MTCL1: variants seen among roughly 807,000 people sequenced by gnomAD.
MTCL1 encodes the protein microtubule cross-linking factor 1.
Under a neutral mutation model 141.4 loss-of-function variants are expected in MTCL1, and 79 were observed. The observed-to-expected ratio is 0.56, with a 90% CI of 0.47 to 0.67. MTCL1 has a LOEUF of 0.67. MTCL1 is among the 30% of genes least tolerant of loss of function. The pLI, the probability that MTCL1 is intolerant of heterozygous loss-of-function variation, is 0.00. For missense variants in MTCL1, 2,177 were observed against 2,113.9 expected, an observed-to-expected ratio of 1.03 and a Z score of -0.59; for synonymous variants, 914 against 875.8, an observed-to-expected ratio of 1.04 and a Z score of -0.77.
chr18:8,730,890 C>T (rs1161471841), intron 4 of MTCL1, among the ~76,000 whole-genome samples: 1 of 152,180 alleles, frequency 6.6e-6, no homozygotes, highest in Admixed American at 6.5e-5. Flanking sequence ...AGCATTTTAC[C>T]TACACGTTAG....
intron 4 of MTCL1, among the ~76,000 whole-genome samples, chr18:8,770,478 G>C (rs986332467): frequency 6.6e-6 from 1 of 152,148 alleles, no homozygotes. Context: ...GAATCCTCCC[G>C]TGGCAGAGGG....
At chr18:8,793,192 A>G (rs2143801449) in intron 8 of MTCL1, 72 bp downstream of exon 7, 1 of 1,584,170 alleles carries the variant, frequency 6.3e-7, no homozygotes, top group Middle Eastern at 1.7e-4. Context: ...ATGCCACGAT[A>G]CATTTTCAAA....
intron 4 of MTCL1, among the ~76,000 whole-genome samples, chr18:8,746,517 C>T (rs905725882): frequency 1.3e-5 from 2 of 152,102 alleles, no homozygotes; most frequent in Non-Finnish European, 2.9e-5. Context: ...AGGGGGAATC[C>T]CATGGATTTG....
intron 9 of MTCL1, among the ~76,000 whole-genome samples, chr18:8,797,449 G>T (rs1022245561): frequency 2.6e-5 from 4 of 152,218 alleles, no homozygotes; most frequent in Admixed American, 6.5e-5. Context: ...TGCACTGCAG[G>T]CTCCTTCCTG....
intron 12 of MTCL1, among the ~76,000 whole-genome samples, chr18:8,813,868 C>G (rs1022612186): frequency 1.3e-5 from 2 of 152,188 alleles, no homozygotes; most frequent in African/African-American, 4.8e-5. Flanking sequence ...TATAACCATT[C>G]TCTGCATTGC....
intron 10 of MTCL1, among the ~76,000 whole-genome samples, chr18:8,803,827 C>A (rs2076204052): frequency 6.6e-6 from 1 of 152,162 alleles, no homozygotes; most frequent in South Asian, 2.1e-4. Context: ...TCTGTTAAAG[C>A]CAAAAAGTAC....
intron 12 of MTCL1, among the ~76,000 whole-genome samples, chr18:8,818,159 C>G (rs544227862): frequency 1.5e-3 from 232 of 152,346 alleles, no homozygotes; most frequent in Non-Finnish European, 2.9e-3. Flanking sequence ...CGTGCACAAC[C>G]CATCTTACAG....
At chr18:8,706,803 G>A in intron 1 of MTCL1, 90 bp downstream of exon 1, 3 of 1,510,840 alleles carry the variant, frequency 2.0e-6, no homozygotes, top group Non-Finnish European at 2.6e-6. Context: ...TCCCGGGCCT[G>A]TCCAGCGCCT....
At chr18:8,829,617 C>T in intron 16 of MTCL1, 2 of 985,346 alleles carry the variant, frequency 2.0e-6, no homozygotes, top group Non-Finnish European at 2.4e-6. Context: ...AAAAGATATA[C>T]TTTTTGATCA....
At chr18:8,783,657 C>T (rs1450471173) in exon 6 of MTCL1, 7 of 1,612,800 alleles carry the variant, frequency 4.3e-6, no homozygotes, top group Non-Finnish European at 5.9e-6. Context: ...AAGTACAAGT[C>T]CCTCTATGGG....
chr18:8,824,867 A>G (rs2076963844), exon 15 of MTCL1: 1 of 1,613,562 alleles, frequency 6.2e-7, no homozygotes, highest in Non-Finnish European at 8.5e-7. Flanking sequence ...GGGACTACAC[A>G]CCCAACAGGG....
At chr18:8,740,199 G>A (rs542400732) in intron 4 of MTCL1, among the ~76,000 whole-genome samples, 2 of 152,314 alleles carry the variant, frequency 1.3e-5, no homozygotes, top group Admixed American at 6.5e-5. Context: ...AGAAATAGTC[G>A]TATATTGCTC....
chr18:8,780,903 C>T lies in MTCL1; in HGVS notation c.418-2627C>T, dbSNP rs538274366. On this transcript the variant is annotated intron_variant, in intron 5 of 16. Transcript: ENST00000359865. Reference sequence around the variant, plus strand: ...ATGAACAAGGCCAGGTGTGGTGGCTCATACCTGTAATCCCAGCACTTTGGG... The same window carrying T: ...ATGAACAAGGCCAGGTGTGGTGGCTTATACCTGTAATCCCAGCACTTTGGG... 1.1e-4 allele frequency among the ~76,000 whole-genome samples: 16 copies of T among 152,208 alleles called. No homozygotes were observed. The East Asian group carries it at 3.1e-3, about 29-fold the overall frequency.
intron 4 of MTCL1, among the ~76,000 whole-genome samples, chr18:8,743,061 A>G (rs750284364): frequency 1.1e-4 from 16 of 152,234 alleles, no homozygotes; most frequent in Non-Finnish European, 4.4e-5. Flanking sequence ...ACTACTTGGG[A>G]AAATTGAGTA....
At chr18:8,831,167 TCCCAGTAGATCCAGGCC>T (rs1442624093) in intron 16 of MTCL1, 3 of 991,332 alleles carry the variant, frequency 3.0e-6, no homozygotes, top group Non-Finnish European at 3.6e-6. Flanking sequence ...CTTTGTGGGC[TCCCAGTAGATCCAGGCC>T]CTGTAGGACC....
At chr18:8,733,994 G>A (rs2096263955) in intron 4 of MTCL1, among the ~76,000 whole-genome samples, 1 of 152,146 alleles carries the variant, frequency 6.6e-6, no homozygotes, top group Non-Finnish European at 1.5e-5. Flanking sequence ...GTTACTCACA[G>A]GGTCACCTAA....
chr18:8,731,026 A>G (rs1189567222), intron 4 of MTCL1, among the ~76,000 whole-genome samples: 2 of 152,128 alleles, frequency 1.3e-5, no homozygotes, highest in African/African-American at 2.4e-5. Context: ...TGGGCGGATC[A>G]CGAGGTCAGG....
At chr18:8,756,349 A>G (rs1282722722) in intron 4 of MTCL1, among the ~76,000 whole-genome samples, 1 of 146,180 alleles carries the variant, frequency 6.8e-6, no homozygotes, top group East Asian at 2.0e-4. Context: ...GTGTATATAT[A>G]TGTGTATATA....
At chr18:8,743,630 C>T (rs1243270690) in intron 4 of MTCL1, among the ~76,000 whole-genome samples, 2 of 152,262 alleles carry the variant, frequency 1.3e-5, no homozygotes, top group Non-Finnish European at 2.9e-5. Context: ...TTGGCTCATG[C>T]CCTCTTTCTT....
Sources: gnomAD v4.1 joint callset for allele counts (sites outside exome capture counted in the v4.1 genomes callset) on GRCh38, gnomAD v4.1.1 for gene constraint, MANE v1.5 for transcripts, NCBI Gene and HGNC (gene_info 2026-07-23, HGNC 2026-07-21) for gene names.